TYW1: variants seen among roughly 807,000 people sequenced by gnomAD.
TYW1 encodes tRNA-yW synthesizing protein 1 homolog, also known as S-adenosyl-L-methionine-dependent tRNA 4-demethylwyosine synthase TYW1.
Under a neutral mutation model 96.2 loss-of-function variants are expected in TYW1, and 46 were observed. The ratio of observed to expected loss-of-function variants is 0.48; its 90% CI spans 0.38 to 0.61. The LOEUF (loss-of-function observed/expected upper bound fraction) is 0.61, where lower values mean the gene tolerates loss of function less well. TYW1 is among the 20% of genes least tolerant of loss of function. TYW1 has a pLI of 0.00. For missense variants in TYW1, 684 were observed against 909.6 expected (o/e 0.75, Z 3.19); for synonymous variants, 274 against 323.0 (o/e 0.85, Z 1.63).
chr7:67,236,165 A>G (rs1283763170), intron 15 of TYW1, among the ~76,000 whole-genome samples: 1 of 152,194 alleles, frequency 6.6e-6, no homozygotes, highest in African/African-American at 2.4e-5. Context: ...TCCCAGAGCA[A>G]AGGATGAAGG....
At chr7:67,140,535 A>G (rs1322986709) in intron 13 of TYW1, among the ~76,000 whole-genome samples, 1 of 152,216 alleles carries the variant, frequency 6.6e-6, no homozygotes, top group African/African-American at 2.4e-5. Context: ...CTATAAGCCA[A>G]TAGAAAATAA....
intron 3 of TYW1, 84 bp from the exon 4 acceptor site, chr7:67,009,499 C>G: frequency 6.7e-6 from 8 of 1,198,020 alleles, no homozygotes; most frequent in Non-Finnish European, 9.6e-6. Flanking sequence ...ATGAGGAATG[C>G]CACATTCTTG....
chr7:67,114,090 A>G (rs1475425990), intron 12 of TYW1, among the ~76,000 whole-genome samples: 1 of 152,220 alleles, frequency 6.6e-6, no homozygotes, highest in African/African-American at 2.4e-5. Flanking sequence ...CACACAGCAG[A>G]GTGTGCCAGC....
intron 6 of TYW1, among the ~76,000 whole-genome samples, chr7:67,018,746 G>A (rs1794111984): frequency 6.6e-6 from 1 of 151,564 alleles, no homozygotes; most frequent in Non-Finnish European, 1.5e-5. Flanking sequence ...ACTTGAAGTC[G>A]GGAGTTCGAG....
At chr7:67,047,524 A>G (rs995757019) in intron 7 of TYW1, among the ~76,000 whole-genome samples, 2 of 152,200 alleles carry the variant, frequency 1.3e-5, no homozygotes, top group Admixed American at 6.5e-5. Flanking sequence ...AGCTCCATCC[A>G]GTAATGTGTA....
intron 13 of TYW1, among the ~76,000 whole-genome samples, chr7:67,145,208 G>T (rs1272619884): frequency 4.8e-5 from 7 of 146,468 alleles, no homozygotes; most frequent in Non-Finnish European, 7.4e-5. Context: ...GAGTGCAGTG[G>T]CATGATCTTG....
intron 7 of TYW1, among the ~76,000 whole-genome samples, chr7:67,037,085 G>A (rs1381935957): frequency 1.3e-5 from 2 of 152,168 alleles, no homozygotes; most frequent in Non-Finnish European, 2.9e-5. Flanking sequence ...CTGTGGTAAG[G>A]CTCAGTCTTG....
At chr7:67,034,573 T>G (rs1005774564) in intron 7 of TYW1, among the ~76,000 whole-genome samples, 4 of 152,136 alleles carry the variant, frequency 2.6e-5, no homozygotes, top group Admixed American at 1.3e-4. Flanking sequence ...TTTGGTATAA[T>G]TTTGTTTTTT....
intron 15 of TYW1, among the ~76,000 whole-genome samples, chr7:67,218,963 T>G (rs1358145517): frequency 6.6e-6 from 1 of 152,250 alleles, no homozygotes; most frequent in Non-Finnish European, 1.5e-5. Context: ...GTGAAGATGG[T>G]CATCCTTGCC....
At chr7:67,192,420 A>G (rs1029720119) in intron 14 of TYW1, among the ~76,000 whole-genome samples, 10 of 152,254 alleles carry the variant, frequency 6.6e-5, no homozygotes, top group African/African-American at 2.4e-4. Flanking sequence ...ACAAGATTTT[A>G]TCTAACAACT....
intron 7 of TYW1, among the ~76,000 whole-genome samples, chr7:67,038,473 G>A (rs557349262): frequency 2.0e-5 from 3 of 152,202 alleles, no homozygotes; most frequent in Admixed American, 2.0e-4. Context: ...GGGCATGGTG[G>A]CTGGTACCTG....
intron 15 of TYW1, among the ~76,000 whole-genome samples, chr7:67,220,579 G>A (rs1181460101): frequency 6.6e-6 from 1 of 151,940 alleles, no homozygotes; most frequent in Admixed American, 6.6e-5. Flanking sequence ...GTTGAATCTA[G>A]GCCTAATTGG....
intron 7 of TYW1, among the ~76,000 whole-genome samples, chr7:67,043,675 C>A (rs146451227): frequency 0.013 from 1,933 of 152,172 alleles, 20 homozygotes; most frequent in Non-Finnish European, 0.02. Flanking sequence ...CCTTTCAACC[C>A]CAATACACTG....
chr7:67,025,124 C>G (rs1794406392), intron 7 of TYW1, 102 bp downstream of exon 7: 1 of 1,516,792 alleles, frequency 6.6e-7, no homozygotes, highest in African/African-American at 1.4e-5. Context: ...AGAGGAGTTT[C>G]ATTTCTCTAG....
intron 14 of TYW1, among the ~76,000 whole-genome samples, chr7:67,184,863 G>A (rs1194237869): frequency 4.0e-5 from 6 of 151,168 alleles, no homozygotes; most frequent in South Asian, 2.1e-4. Context: ...GCCCACTACC[G>A]CACCTGGCTA....
intron 15 of TYW1, among the ~76,000 whole-genome samples, chr7:67,206,246 A>T (rs759149918): frequency 5.9e-5 from 9 of 152,216 alleles, no homozygotes; most frequent in Non-Finnish European, 1.2e-4. Flanking sequence ...TTCCTGACAC[A>T]TGAAAACATC....
intron 5 of TYW1, among the ~76,000 whole-genome samples, chr7:67,016,338 G>C (rs1406737373): frequency 6.6e-6 from 1 of 151,088 alleles, no homozygotes; most frequent in Non-Finnish European, 1.5e-5. Context: ...ACCTGAGGTC[G>C]GGAGTTCGAC....
intron 10 of TYW1, among the ~76,000 whole-genome samples, chr7:67,079,075 G>A (rs1796299727): frequency 1.3e-5 from 2 of 151,868 alleles, no homozygotes; most frequent in African/African-American, 4.8e-5. Context: ...GTCTTGTTTT[G>A]TTTTCAGGGT....
intron 13 of TYW1, among the ~76,000 whole-genome samples, chr7:67,151,832 G>A (rs1798811060): frequency 6.6e-6 from 1 of 151,902 alleles, no homozygotes; most frequent in African/African-American, 2.4e-5. Context: ...GTTGAGATAG[G>A]GACTTGCTCT....
Sources: allele counts gnomAD v4.1 joint callset (sites outside exome capture counted in the v4.1 genomes callset), GRCh38; gene constraint gnomAD v4.1.1; transcripts MANE v1.5; gene names NCBI Gene and HGNC (gene_info 2026-07-23, HGNC 2026-07-21).